AGMO: variants seen among roughly 807,000 people sequenced by gnomAD.
AGMO encodes the protein glyceryl-ether monooxygenase.
A neutral mutation model predicts 60.2 loss-of-function variants in AGMO; 75 were observed. That is an observed-to-expected ratio of 1.25 (90% CI 1.03 to 1.51). AGMO has a LOEUF of 1.51. Among genes scored for constraint, AGMO ranks in the 40% most tolerant of loss-of-function variants. AGMO has a pLI of 0.00. For missense variants in AGMO, 763 were observed against 525.5 expected (o/e 1.45, Z -4.42); for synonymous variants, 261 against 177.1 (o/e 1.47, Z -3.76).
chr7:15,120,783 G>A, the AGMO span, among the ~76,000 whole-genome samples: 3 of 151,696 alleles, frequency 2.0e-5, no homozygotes, highest in Non-Finnish European at 4.4e-5. Context: ...TTTTTTTGAA[G>A]TTTTCACAGT....
chr7:15,140,085 A>C, the AGMO span, among the ~76,000 whole-genome samples: 3 of 151,150 alleles, frequency 2.0e-5, no homozygotes, highest in African/African-American at 7.3e-5. Flanking sequence ...ATAAAATATA[A>C]ATTATAAAAA....
intron 12 of AGMO, among the ~76,000 whole-genome samples, chr7:15,266,232 G>C (rs553254193): frequency 1.3e-5 from 2 of 152,052 alleles, no homozygotes; most frequent in Admixed American, 1.3e-4. Flanking sequence ...AATAGGGAAT[G>C]TTTAATTATC....
chr7:15,348,944 A>G lies in AGMO; in HGVS notation c.1263+16570T>C, dbSNP rs139993224. 3.1e-3 allele frequency among the ~76,000 whole-genome samples: 468 copies of G among 152,280 alleles called. 4 individuals are homozygous for G. Among genetic ancestry groups the G allele is most frequent in the African/African-American group, 0.011 (448 of 41,584 alleles). ...AAATAGAACCTCAAAGTTCTTCTAAATTAGCTGCCTAATGCATTTTGATTA... is the reference window on the plus strand; with the variant it reads ...AAATAGAACCTCAAAGTTCTTCTAAGTTAGCTGCCTAATGCATTTTGATTA... On this transcript the variant is annotated intron_variant, in intron 12 of 12. Transcript: ENST00000342526.
chr7:15,488,805 G>GTT (rs547057038), intron 3 of AGMO, among the ~76,000 whole-genome samples: 1 of 144,692 alleles, frequency 6.9e-6, no homozygotes, highest in Non-Finnish European at 1.5e-5. Flanking sequence ...ACATTCGGTT[G>GTT]TTTTTTTTTT....
chr7:15,390,952 C>CT, intron 6 of AGMO, 47 bp from the exon 7 acceptor site: 3 of 1,189,604 alleles, frequency 2.5e-6, no homozygotes, highest in Non-Finnish European at 3.6e-6. Context: ...AATAGTTATG[C>CT]TTTTTGAGAT....
chr7:15,273,258 T>TAG (rs1563064552), intron 12 of AGMO, among the ~76,000 whole-genome samples: 3 of 152,152 alleles, frequency 2.0e-5, no homozygotes, highest in Admixed American at 2.0e-4. Flanking sequence ...TTTATGGTTT[T>TAG]AGGTCTAACA....
chr7:15,529,647 CTATATATTCTA>C (rs1160464895), intron 3 of AGMO, among the ~76,000 whole-genome samples: 1,165 of 7,432 alleles, frequency 0.16, 380 homozygotes, highest in African/African-American at 0.43. Flanking sequence ...TATATATATA[CTATATATTCTA>C]TATATATTCT....
intron 12 of AGMO, among the ~76,000 whole-genome samples, chr7:15,215,586 A>C (rs934350211): frequency 6.6e-6 from 1 of 152,062 alleles, no homozygotes; most frequent in Admixed American, 6.6e-5. Flanking sequence ...TTTTGGTACT[A>C]TATGGTTAGA....
At chr7:15,299,792 C>A (rs1368415649) in intron 12 of AGMO, among the ~76,000 whole-genome samples, 1 of 150,720 alleles carries the variant, frequency 6.6e-6, no homozygotes, top group African/African-American at 2.4e-5. Context: ...TGAGCCACTG[C>A]ACTCCAGCCT....
At chr7:15,192,545 C>A in the AGMO span, among the ~76,000 whole-genome samples, 2 of 152,122 alleles carry the variant, frequency 1.3e-5, no homozygotes, top group Non-Finnish European at 2.9e-5. Context: ...CATTCACCAT[C>A]CTTCAAGTCT....
chr7:15,339,930 A>G (rs1008236746), intron 12 of AGMO, among the ~76,000 whole-genome samples: 22 of 152,242 alleles, frequency 1.4e-4, no homozygotes, highest in Non-Finnish European at 2.6e-4. Flanking sequence ...TGTTACATTT[A>G]TAATTCAGCC....
At chr7:15,285,476 A>G (rs540982835) in intron 12 of AGMO, among the ~76,000 whole-genome samples, 17 of 152,110 alleles carry the variant, frequency 1.1e-4, no homozygotes, top group Admixed American at 1.1e-3. Flanking sequence ...CTTTTACAAT[A>G]GCTGAAAAAA....
chr7:15,376,503 T>G (rs901633801), intron 10 of AGMO, among the ~76,000 whole-genome samples: 10 of 152,110 alleles, frequency 6.6e-5, no homozygotes, highest in Non-Finnish European at 7.4e-5. Context: ...ACCATAAAAA[T>G]GTTTCCAAAT....
chr7:15,342,591 T>A (rs1781890087), intron 12 of AGMO, among the ~76,000 whole-genome samples: 1 of 151,950 alleles, frequency 6.6e-6, no homozygotes, highest in Admixed American at 6.6e-5. Context: ...GGTTCCTCAA[T>A]AAAAATGTTC....
At chr7:15,410,711 T>G (rs1014429828) in intron 5 of AGMO, among the ~76,000 whole-genome samples, 24 of 152,082 alleles carry the variant, frequency 1.6e-4, no homozygotes, top group African/African-American at 4.1e-4. Flanking sequence ...AAATTACAAG[T>G]AAGTAAGATC....
At chr7:15,497,397 AT>A (rs530808273) in intron 3 of AGMO, among the ~76,000 whole-genome samples, 1 of 152,032 alleles carries the variant, frequency 6.6e-6, no homozygotes, top group Admixed American at 6.6e-5. Context: ...TTTCACAGGA[AT>A]TTTTTTAACA....
At chr7:15,480,006 A>T (rs1477697462) in intron 3 of AGMO, among the ~76,000 whole-genome samples, 2 of 152,142 alleles carry the variant, frequency 1.3e-5, no homozygotes, top group African/African-American at 4.8e-5. Context: ...TAGGAAAGTT[A>T]CTCTGCTTTG....
At chr7:15,293,680 T>A (rs1055348723) in intron 12 of AGMO, among the ~76,000 whole-genome samples, 1 of 152,186 alleles carries the variant, frequency 6.6e-6, no homozygotes, top group African/African-American at 2.4e-5. Flanking sequence ...ATTTGATAAG[T>A]GAATAATAAT....
chr7:15,384,227 A>G (rs576869833), intron 10 of AGMO, among the ~76,000 whole-genome samples: 67 of 152,152 alleles, frequency 4.4e-4, no homozygotes, highest in East Asian at 3.3e-3. Context: ...ATGAGCCACC[A>G]CGCCCAGCCT....
Sources: allele counts gnomAD v4.1 joint callset (sites outside exome capture counted in the v4.1 genomes callset), GRCh38; gene constraint gnomAD v4.1.1; transcripts MANE v1.5; gene names NCBI Gene and HGNC (gene_info 2026-07-23, HGNC 2026-07-21).